Variants in SULT2A1 observed in about 807,000 individuals in gnomAD.
The protein encoded by SULT2A1 is sulfotransferase 2A1.
Under a neutral mutation model 33.9 loss-of-function variants are expected in SULT2A1, and 43 were observed. The observed-to-expected ratio is 1.27, with a 90% CI of 1.00 to 1.64. The LOEUF is 1.64. Ranked by LOEUF, SULT2A1 falls within the 40% of genes most tolerant of loss-of-function variation. The probability of loss-of-function intolerance (pLI) is 0.00; values close to 1 mark genes in which losing one functional copy is unlikely to be tolerated. For missense variants in SULT2A1, 300 were observed against 335.1 expected, an observed-to-expected ratio of 0.90 and a Z score of 0.82; for synonymous variants, 125 against 113.6, an observed-to-expected ratio of 1.10 and a Z score of -0.64.
chr19:47,872,359 G>A (rs549360583), intron 5 of SULT2A1, among the ~76,000 whole-genome samples: 26 of 152,254 alleles, frequency 1.7e-4, no homozygotes, highest in East Asian at 1.9e-4. Context: ...GGCGCTTACA[G>A]GGCTCCAGGT....
intron 3 of SULT2A1, among the ~76,000 whole-genome samples, chr19:47,880,250 A>AC (rs1179237572): frequency 1.3e-5 from 2 of 150,604 alleles, no homozygotes; most frequent in South Asian, 2.1e-4. Context: ...AAAAAAAAAA[A>AC]AAAAAAAACC....
chr19:47,873,225 A>C (rs1027421376), intron 5 of SULT2A1, among the ~76,000 whole-genome samples: 2 of 150,948 alleles, frequency 1.3e-5, no homozygotes, highest in Admixed American at 6.6e-5. Flanking sequence ...CTGGAGTGCA[A>C]ATGGCAGGAT....
chr19:47,884,036 C>A (rs920656274), intron 1 of SULT2A1, among the ~76,000 whole-genome samples: 1 of 148,742 alleles, frequency 6.7e-6, no homozygotes, highest in African/African-American at 2.5e-5. Context: ...ACCTGGGAGG[C>A]GGAGGTTGCG....
At position 47,879,060 on chromosome 19, in the gene SULT2A1, T is replaced by C; in HGVS notation, c.543A>G (p.Leu181=). The C allele has an allele frequency of 6.2e-7, 1 of 1,613,120 alleles. No individual in the cohort carries two copies. Among genetic ancestry groups the C allele is most frequent in the African/African-American group, 1.3e-5 (1 of 74,986 alleles). ...CCTGTTTCAGCTCCTCATAACTCAGTAACAGGAAGTTTTTCTCCTCTCTCA... is the reference window on the plus strand; with the variant it reads ...CCTGTTTCAGCTCCTCATAACTCAGCAACAGGAAGTTTTTCTCCTCTCTCA... ...MPMREEKNFL[L]LSYEELKQDT... The change falls in exon 4 of 6, where the codon TTA becomes TTG. Residue 181 remains leucine, a synonymous_variant. Transcript: ENST00000222002.
At chr19:47,885,518 T>C (rs1968647759) in intron 1 of SULT2A1, among the ~76,000 whole-genome samples, 1 of 152,224 alleles carries the variant, frequency 6.6e-6, no homozygotes, top group Non-Finnish European at 1.5e-5. Flanking sequence ...TGCTTCCATC[T>C]TTTGGCTATT....
chr19:47,882,535 G>C (rs1013722996), intron 2 of SULT2A1, among the ~76,000 whole-genome samples: 1 of 152,110 alleles, frequency 6.6e-6, no homozygotes, highest in Non-Finnish European at 1.5e-5. Context: ...TCATTAACAG[G>C]AGAATGAATT....
Position 47,876,271 on chromosome 19 carries a change from C to T in SULT2A1, c.568-1437G>A, listed in dbSNP as rs62531039. Among the ~76,000 whole-genome samples, 415 of 152,300 alleles carry T rather than the reference C, an allele frequency of 2.7e-3. 2 individuals are homozygous for T. Among genetic ancestry groups the T allele is most frequent in the African/African-American group, 9.3e-3 (387 of 41,580 alleles). On this transcript the variant is annotated intron_variant, in intron 4 of 5. Coordinates refer to ENST00000222002, the MANE Select transcript of SULT2A1 (RefSeq NM_003167.4). Reference sequence around the variant, plus strand: ...GCTCAGGTGATCTGCCCACCTCAGCCTCCCAAAGTGCTGGGATTATGGATG... The same window carrying T: ...GCTCAGGTGATCTGCCCACCTCAGCTTCCCAAAGTGCTGGGATTATGGATG...
chr19:47,878,505 ATTTTTTTTT>A (rs34027366), intron 4 of SULT2A1, among the ~76,000 whole-genome samples: 1 of 111,956 alleles, frequency 8.9e-6, no homozygotes, highest in Admixed American at 1.0e-4. Flanking sequence ...ACCTCTCTAG[ATTTTTTTTT>A]TTTTTTTTTT....
intron 2 of SULT2A1, 104 bp from the exon 3 acceptor site, chr19:47,882,314 T>C (rs530548511): frequency 7.2e-7 from 1 of 1,379,364 alleles, no homozygotes; most frequent in Non-Finnish European, 9.9e-7. Context: ...TAATGCCTAA[T>C]AATATCAATG....
intron 3 of SULT2A1, among the ~76,000 whole-genome samples, chr19:47,880,892 C>T (rs979790717): frequency 4.0e-5 from 6 of 151,552 alleles, no homozygotes; most frequent in African/African-American, 1.5e-4. Context: ...GATGGTAGGA[C>T]TTAATTAATA....
intron 4 of SULT2A1, among the ~76,000 whole-genome samples, chr19:47,876,008 T>A (rs548275561): frequency 6.6e-5 from 10 of 152,310 alleles, no homozygotes; most frequent in South Asian, 4.1e-4. Flanking sequence ...TTTTTATTTT[T>A]AAAATTTTAT....
chr19:47,875,297 G>C (rs1968533404), intron 4 of SULT2A1, among the ~76,000 whole-genome samples: 1 of 151,788 alleles, frequency 6.6e-6, no homozygotes, highest in African/African-American at 2.4e-5. Context: ...GCAATTAGGA[G>C]AAAGAAAGAA....
intron 4 of SULT2A1, among the ~76,000 whole-genome samples, chr19:47,876,408 A>G (rs193286782): frequency 6.6e-6 from 1 of 152,276 alleles, no homozygotes; most frequent in Non-Finnish European, 1.5e-5. Flanking sequence ...CCTCTATTTC[A>G]TAAACCTTGG....
At chr19:47,880,512 G>A (rs965395058) in intron 3 of SULT2A1, among the ~76,000 whole-genome samples, 16 of 151,548 alleles carry the variant, frequency 1.1e-4, no homozygotes, top group African/African-American at 3.1e-4. Context: ...TTGTCGGGGC[G>A]GTGAGAACAT....
Position 47,870,547 on chromosome 19 carries a change from G to T in SULT2A1, c.*908C>A, listed in dbSNP as rs937911544. ...TTAGATTGCAAATTACACTCCTTAA[G>T]ATCAGAGCAATAATAAATTGTGGAG... On this transcript the variant is annotated 3_prime_UTR_variant, in exon 6 of 6. Coordinates refer to ENST00000222002, the MANE Select transcript of SULT2A1 (RefSeq NM_003167.4). 1.4e-5 allele frequency: 2 copies of T among 147,854 alleles called. 1 individual carries two copies. Among genetic ancestry groups the T allele is most frequent in the Non-Finnish European group, 3.0e-5 (2 of 65,652 alleles). 9.2% of individuals were successfully genotyped at this position (147,854 alleles called of 1,614,324 possible). A position where few individuals can be genotyped will look rare whatever the true frequency, so the allele number is the denominator to read the frequency against.
At chr19:47,885,343 T>A (rs540821165) in intron 1 of SULT2A1, among the ~76,000 whole-genome samples, 27 of 150,134 alleles carry the variant, frequency 1.8e-4, no homozygotes, top group African/African-American at 6.6e-4. Context: ...CACACACTAT[T>A]TGTATTTTTG....
At chr19:47,872,579 A>C (rs931959921) in intron 5 of SULT2A1, among the ~76,000 whole-genome samples, 6 of 151,866 alleles carry the variant, frequency 4.0e-5, no homozygotes, top group African/African-American at 1.5e-4. Flanking sequence ...CTTTATTCCA[A>C]TTCAAGTTTC....
At chr19:47,873,910 A>G (rs1320209678) in intron 5 of SULT2A1, among the ~76,000 whole-genome samples, 2 of 151,520 alleles carry the variant, frequency 1.3e-5, no homozygotes, top group Non-Finnish European at 2.9e-5. Context: ...GGCATGAGCC[A>G]CCGCACCCGG....
In SULT2A1 at chr19:47,874,821, GTT is replaced by G. The variant is rs770642837; in HGVS notation, c.579_580del (p.Arg193SerfsTer44). 4.2e-5 allele frequency: 67 copies of G among 1,613,406 alleles called. No homozygotes were observed. The highest frequency in any genetic ancestry group is 5.7e-5 in the Non-Finnish European group (67 of 1,179,866). On this transcript the variant is annotated frameshift_variant, in exon 5 of 6. Coordinates refer to ENST00000222002, the MANE Select transcript of SULT2A1 (RefSeq NM_003167.4). LOFTEE classifies it high-confidence loss of function. ...CAGGAATTGACAGATCTTCTCTATG[GTT>G]CTTCCTGTGTCCTAAAAAAGAAAAA...
Sources: allele counts gnomAD v4.1 joint callset (sites outside exome capture counted in the v4.1 genomes callset), GRCh38; gene constraint gnomAD v4.1.1; transcripts MANE v1.5; gene names NCBI Gene and HGNC (gene_info 2026-07-23, HGNC 2026-07-21).